EPB41L4B: variants seen among roughly 807,000 people sequenced by gnomAD.
The protein encoded by EPB41L4B is erythrocyte membrane protein band 4.1 like 4B.
A neutral mutation model predicts 112.5 loss-of-function variants in EPB41L4B; 30 were observed. That is an observed-to-expected ratio of 0.27 (90% CI 0.20 to 0.36). The LOEUF (loss-of-function observed/expected upper bound fraction) is 0.36. Among genes scored for constraint, EPB41L4B ranks in the 10% least tolerant of loss-of-function variants. EPB41L4B has a pLI of 1.00. For synonymous variants in EPB41L4B, 408 were observed against 439.7 expected, an observed-to-expected ratio of 0.93 and a Z score of 0.90; for missense variants, 1,024 against 1,133.3, an observed-to-expected ratio of 0.90 and a Z score of 1.38.
chr9:109,247,857 G>T (rs1834620159), intron 13 of EPB41L4B, 68 bp from the exon 14 acceptor site: 2 of 1,219,250 alleles, frequency 1.6e-6, no homozygotes, highest in Admixed American at 2.8e-5. Flanking sequence ...CATTATTAAT[G>T]ATTTATTTAA....
chr9:109,185,184 G>C (rs1832209455), intron 23 of EPB41L4B, among the ~76,000 whole-genome samples: 1 of 152,220 alleles, frequency 6.6e-6, no homozygotes, highest in Admixed American at 6.5e-5. Context: ...GAGTCCGTCT[G>C]GTGAGTACCA....
chr9:109,243,610 G>C lies in EPB41L4B; in HGVS notation c.1409+8C>G, dbSNP rs767927797. ...CGAAGGTGCAGCTCTGGAAGCACCAGCACTTACCTGACATTTGGAGAGTGA... is the reference window on the plus strand; with the variant it reads ...CGAAGGTGCAGCTCTGGAAGCACCACCACTTACCTGACATTTGGAGAGTGA... On this transcript the variant is annotated splice_region_variant and intron_variant, in intron 15 of 25. Transcript: ENST00000374566. 7.4e-6 allele frequency: 12 copies of C among 1,613,814 alleles called. No individual in the cohort carries two copies. In the South Asian group the frequency reaches 1.2e-4, roughly 16 times the overall value.
intron 13 of EPB41L4B, among the ~76,000 whole-genome samples, chr9:109,250,510 G>A (rs1234185918): frequency 6.6e-6 from 1 of 152,162 alleles, no homozygotes; most frequent in African/African-American, 2.4e-5. Flanking sequence ...CAGACCAAAG[G>A]TCCAAACAAT....
At chr9:109,307,033 T>G (rs1475934486) in intron 1 of EPB41L4B, among the ~76,000 whole-genome samples, 1 of 151,032 alleles carries the variant, frequency 6.6e-6, no homozygotes, top group African/African-American at 2.4e-5. Context: ...TTTTTTTTTT[T>G]TCTTCAAGAA....
intron 1 of EPB41L4B, among the ~76,000 whole-genome samples, chr9:109,291,849 A>G (rs1836546082): frequency 6.6e-6 from 1 of 152,166 alleles, no homozygotes; most frequent in African/African-American, 2.4e-5. Context: ...TCCACCACAG[A>G]ACCATAGTCG....
chr9:109,214,551 G>C (rs377593815), intron 16 of EPB41L4B, among the ~76,000 whole-genome samples: 2 of 152,172 alleles, frequency 1.3e-5, no homozygotes, highest in Non-Finnish European at 2.9e-5. Context: ...GGGTGTTAGA[G>C]AACATTTCAC....
chr9:109,193,312 C>T (rs12346595), intron 21 of EPB41L4B, among the ~76,000 whole-genome samples: 22,142 of 152,250 alleles, frequency 0.15, 3,284 homozygotes, highest in African/African-American at 0.38. Context: ...CATTATTCTT[C>T]AGCTGTCACC....
At chr9:109,214,238 G>A (rs1017233421) in intron 16 of EPB41L4B, among the ~76,000 whole-genome samples, 6 of 152,176 alleles carry the variant, frequency 3.9e-5, no homozygotes, top group African/African-American at 1.2e-4. Context: ...GCCATGTTAT[G>A]TTCCTAAAAT....
chr9:109,264,490 G>A lies in EPB41L4B; in HGVS notation c.578+490C>T, dbSNP rs902107983. ...GCTTCTTATACTCAATGATCACTGT[G>A]TGCTGCCAGAGGCCTAGTATTTCAA... On this transcript the variant is annotated intron_variant, in intron 5 of 25. Coordinates refer to ENST00000374566, the MANE Select transcript of EPB41L4B (RefSeq NM_019114.5). Among the ~76,000 whole-genome samples the A allele has an allele frequency of 9.9e-5, 15 of 152,284 alleles. No individual in the cohort carries two copies. The South Asian group carries it at 3.1e-3, about 32-fold the overall frequency.
At chr9:109,285,379 T>C (rs555835174) in intron 1 of EPB41L4B, among the ~76,000 whole-genome samples, 4 of 152,304 alleles carry the variant, frequency 2.6e-5, no homozygotes, top group Non-Finnish European at 4.4e-5. Context: ...CCTCCTGCCA[T>C]GCTAGATGCT....
rs1588109669 is a variant in EPB41L4B at position 109,173,765 on chromosome 9, A to G, written c.*789T>C. The G allele has an allele frequency of 6.6e-6, 1 of 152,658 alleles. No individual in the cohort carries two copies. Among genetic ancestry groups the G allele is most frequent in the African/African-American group, 2.4e-5 (1 of 41,464 alleles). 9.5% of individuals were successfully genotyped at this position (152,658 alleles called of 1,614,324 possible). On this transcript the variant is annotated 3_prime_UTR_variant, in exon 26 of 26. Transcript: ENST00000374566. ...ATTTAAAAACACATTTCTTGAAACT[A>G]TATAAAAAGAGCAAAATTTCTTCTG...
intron 4 of EPB41L4B, among the ~76,000 whole-genome samples, chr9:109,265,276 C>T (rs776004988): frequency 3.3e-4 from 50 of 152,212 alleles, no homozygotes; most frequent in Admixed American, 3.9e-4. Context: ...ACGTGATACA[C>T]GTCATGGTCC....
chr9:109,188,789 G>T (rs1832356126), intron 22 of EPB41L4B, among the ~76,000 whole-genome samples: 1 of 152,176 alleles, frequency 6.6e-6, no homozygotes, highest in Non-Finnish European at 1.5e-5. Flanking sequence ...TCATGGCCCA[G>T]AAGGGATCTG....
chr9:109,186,935 A>G (rs1251957623), intron 22 of EPB41L4B, among the ~76,000 whole-genome samples: 1 of 152,148 alleles, frequency 6.6e-6, no homozygotes, highest in Non-Finnish European at 1.5e-5. Flanking sequence ...AAAATACCAA[A>G]CATTGTGAAA....
intron 5 of EPB41L4B, among the ~76,000 whole-genome samples, chr9:109,263,928 C>T (rs1415097441): frequency 1.3e-5 from 2 of 152,168 alleles, no homozygotes; most frequent in African/African-American, 4.8e-5. Context: ...ATGTAAACTA[C>T]AAAGTACTGT....
At chr9:109,220,409 AGTTT>A (rs1833531129) in intron 15 of EPB41L4B, among the ~76,000 whole-genome samples, 2 of 152,196 alleles carry the variant, frequency 1.3e-5, no homozygotes, top group East Asian at 3.9e-4. Flanking sequence ...GATTTTGGAG[AGTTT>A]GTTTTGAGCG....
At chr9:109,277,844 G>A (rs900544379) in intron 2 of EPB41L4B, among the ~76,000 whole-genome samples, 1 of 152,174 alleles carries the variant, frequency 6.6e-6, no homozygotes, top group Admixed American at 6.5e-5. Flanking sequence ...CTGGGAAAAT[G>A]GAAGGAATCA....
chr9:109,201,479 T>C (rs1832829821), intron 19 of EPB41L4B, among the ~76,000 whole-genome samples: 1 of 110,230 alleles, frequency 9.1e-6, no homozygotes, highest in Non-Finnish European at 2.1e-5. Context: ...AAAAAAAGTA[T>C]GTTGAATAAA....
intron 14 of EPB41L4B, among the ~76,000 whole-genome samples, chr9:109,245,948 G>A (rs1034355423): frequency 6.6e-6 from 1 of 152,228 alleles, no homozygotes; most frequent in African/African-American, 2.4e-5. Flanking sequence ...ACACACTACA[G>A]GCTATGCGGA....
Sources: gnomAD v4.1 joint callset for allele counts (sites outside exome capture counted in the v4.1 genomes callset) on GRCh38, gnomAD v4.1.1 for gene constraint, MANE v1.5 for transcripts, NCBI Gene and HGNC (gene_info 2026-07-23, HGNC 2026-07-21) for gene names.